Variants in ZNF19 observed in about 807,000 individuals in gnomAD.
ZNF19 encodes the protein zinc finger protein 19, also known as zinc finger protein 19 (KOX 12).
In ZNF19, 11 loss-of-function variants were observed where a neutral mutation model predicts 13.1. That is an observed-to-expected ratio of 0.84 (90% CI 0.53 to 1.39). The LOEUF (loss-of-function observed/expected upper bound fraction) is 1.39, where lower values mean the gene tolerates loss of function less well. Ranked by LOEUF, ZNF19 falls within the 40% of genes most tolerant of loss-of-function variation. The pLI, the probability that ZNF19 is intolerant of heterozygous loss-of-function variation, is 0.00. For missense variants in ZNF19, 560 were observed against 547.0 expected, an observed-to-expected ratio of 1.02 and a Z score of -0.24; for synonymous variants, 186 against 187.0, an observed-to-expected ratio of 0.99 and a Z score of 0.04.
At chr16:71,478,797 C>T in intron 4 of ZNF19, 82 bp downstream of exon 4, 1 of 1,554,082 alleles carries the variant, frequency 6.4e-7, no homozygotes, top group African/African-American at 1.4e-5. Context: ...CTCTCCACTC[C>T]ACACTCCTCC....
chr16:71,489,300 A>G lies in ZNF19; in HGVS notation c.-218T>C. 1 of 985,518 alleles carries G rather than the reference A, an allele frequency of 1.0e-6. No homozygotes were observed. The highest frequency in any genetic ancestry group is 1.2e-6 in the Non-Finnish European group (1 of 829,988). 61.0% of individuals were successfully genotyped at this position (985,518 alleles called of 1,614,324 possible). A position where few individuals can be genotyped will look rare whatever the true frequency, so the allele number is the denominator to read the frequency against. ...TGAGCGCGGACTCAAAACAGGCCAGAAGCGCACCGCTAGCGAGAACGGTTA... is the reference window on the plus strand; with the variant it reads ...TGAGCGCGGACTCAAAACAGGCCAGGAGCGCACCGCTAGCGAGAACGGTTA... On this transcript the variant is annotated 5_prime_UTR_variant, in exon 1 of 6. Coordinates refer to ENST00000288177, the MANE Select transcript of ZNF19 (RefSeq NM_006961.4).
Position 71,478,232 on chromosome 16 carries a change from A to G in ZNF19, c.270T>C (p.Cys90=). The change falls in exon 5 of 6, where the codon TGT becomes TGC. Residue 90 remains cysteine (C), a synonymous_variant. Transcript: ENST00000288177. ...TTCTAAATCTGCCTCACCTACCTTT[A>G]CAGACGTTTTTGGTCCTCTCTGCTG... ...DPPAERTKNV[C]KDVETNIDSE... 4.3e-6 allele frequency: 7 copies of G among 1,612,474 alleles called. No individual in the cohort carries two copies. The highest frequency in any genetic ancestry group is 5.9e-6 in the Non-Finnish European group (7 of 1,178,712).
chr16:71,475,173 C>T lies in ZNF19; in HGVS notation c.1374G>A (p.Trp458Ter). The T allele has an allele frequency of 6.3e-7, 1 of 1,583,938 alleles. No individual in the cohort carries two copies. Among genetic ancestry groups the T allele is most frequent in the Non-Finnish European group, 8.6e-7 (1 of 1,163,674 alleles). ...GLPEFFTPFY[W>*] Reference sequence around the variant, plus strand: ...TACATTTCACTGGAGTGTACTATTACCAGTAAAAGGGGGTAAAAAATTCTG... The same window carrying T: ...TACATTTCACTGGAGTGTACTATTATCAGTAAAAGGGGGTAAAAAATTCTG... Residue 458 changes from tryptophan (W) to a stop codon, truncating the protein, a stop_gained, in exon 6 of 6, where the codon TGG becomes TGA. Coordinates refer to ENST00000288177, the MANE Select transcript of ZNF19 (RefSeq NM_006961.4). LOFTEE classifies it high-confidence loss of function.
chr16:71,485,382 G>C (rs533020786), intron 1 of ZNF19, among the ~76,000 whole-genome samples: 1 of 151,362 alleles, frequency 6.6e-6, no homozygotes, highest in Non-Finnish European at 1.5e-5. Context: ...CCCGAGAGGT[G>C]GAGGTTGCAG....
In ZNF19 at chr16:71,475,901, G is replaced by C. The variant is rs199702128; in HGVS notation, c.646C>G (p.Pro216Ala). The part of the protein sequence containing the change: ...RHQRIHTGER[P>A]YQCEECGRAF... ...CGCCCACACTCCTCACACTGATAGGGTCTCTCTCCAGTGTGAATCCTCTGG... is the reference window on the plus strand; with the variant it reads ...CGCCCACACTCCTCACACTGATAGGCTCTCTCTCCAGTGTGAATCCTCTGG... The change falls in exon 6 of 6, where the codon CCC becomes GCC. Residue 216 changes from proline (P) to alanine (A), a missense_variant. Pro to Ala is a conservative substitution (Grantham distance 27, BLOSUM62 -1). Transcript: ENST00000288177. The C allele has an allele frequency of 6.2e-7, 1 of 1,613,550 alleles. No homozygotes were observed. The highest frequency in any genetic ancestry group is 1.7e-4 in the Middle Eastern group (1 of 6,058).
At chr16:71,482,379 C>A (rs1022331746) in intron 2 of ZNF19, 6 of 419,632 alleles carry the variant, frequency 1.4e-5, no homozygotes, top group Non-Finnish European at 2.2e-5. Flanking sequence ...TCCTCACCAA[C>A]ACCAAGCTAA....
chr16:71,483,369 G>A (rs1435289008), intron 2 of ZNF19, among the ~76,000 whole-genome samples: 2 of 152,202 alleles, frequency 1.3e-5, no homozygotes, highest in Admixed American at 6.5e-5. Context: ...CTTAATGCAT[G>A]ATGCTGTTTT....
intron 4 of ZNF19, 118 bp downstream of exon 4, chr16:71,478,761 G>T (rs966498743): frequency 5.0e-6 from 7 of 1,398,530 alleles, no homozygotes; most frequent in Non-Finnish European, 6.8e-6. Flanking sequence ...CAGTCACTCA[G>T]TGGAGGACAC....
At chr16:71,485,758 C>T (rs1450111279) in intron 1 of ZNF19, among the ~76,000 whole-genome samples, 2 of 152,062 alleles carry the variant, frequency 1.3e-5, no homozygotes, top group African/African-American at 4.8e-5. Context: ...ACATTTAATT[C>T]ACACACCATA....
intron 3 of ZNF19, among the ~76,000 whole-genome samples, chr16:71,480,707 C>A (rs1236149892): frequency 6.6e-6 from 1 of 152,186 alleles, no homozygotes; most frequent in Non-Finnish European, 1.5e-5. Flanking sequence ...CCTGAATGAA[C>A]CTCTTGAATG....
chr16:71,479,149 C>T (rs537194639), intron 3 of ZNF19, 144 bp from the exon 4 acceptor site: 2 of 1,018,992 alleles, frequency 2.0e-6, no homozygotes, highest in Non-Finnish European at 2.9e-6. Context: ...GATATTAGAC[C>T]ATTATATGAC....
intron 5 of ZNF19, 150 bp downstream of exon 5, chr16:71,478,078 G>T (rs768271963): frequency 3.3e-6 from 2 of 612,552 alleles, no homozygotes; most frequent in Admixed American, 3.0e-5. Flanking sequence ...TTACATGTTG[G>T]TAAGAGTTAA....
chr16:71,482,487 A>G (rs2043643936), intron 2 of ZNF19, among the ~76,000 whole-genome samples: 1 of 152,202 alleles, frequency 6.6e-6, no homozygotes, highest in African/African-American at 2.4e-5. Context: ...TTTGACTGAG[A>G]ATATAAAAGG....
chr16:71,484,158 AAT>A (rs1375664824), intron 2 of ZNF19, among the ~76,000 whole-genome samples: 1 of 152,192 alleles, frequency 6.6e-6, no homozygotes, highest in Non-Finnish European at 1.5e-5. Context: ...GGTGGAGTGA[AAT>A]AACCAGATTT....
chr16:71,479,366 T>G (rs186538967), intron 3 of ZNF19, among the ~76,000 whole-genome samples: 252 of 152,324 alleles, frequency 1.7e-3, no homozygotes, highest in Middle Eastern at 3.4e-3. Context: ...GGTGGACAAT[T>G]TGCTTCAAAT....
At chr16:71,482,208 A>T in intron 2 of ZNF19, 65 bp from the exon 3 acceptor site, 1 of 1,502,082 alleles carries the variant, frequency 6.7e-7, no homozygotes, top group Non-Finnish European at 9.2e-7. Context: ...CTTTAGAGCA[A>T]TAAATTTGCC....
intron 4 of ZNF19, chr16:71,478,609 A>T: frequency 1.5e-6 from 1 of 663,158 alleles, no homozygotes; most frequent in South Asian, 1.6e-5. Flanking sequence ...ACTACTACTT[A>T]TTCCTTACTG....
chr16:71,484,680 G>A lies in ZNF19; in HGVS notation c.-121C>T, dbSNP rs1360408214. The stretch of plus-strand genomic sequence containing the variant: ...CACACGCGTACTCTCTAGGATGCCG[G>A]AGCGGTCTTCTCAGTGGTTGTGTGG... On this transcript the variant is annotated 5_prime_UTR_variant, in exon 2 of 6. Coordinates refer to ENST00000288177, the MANE Select transcript of ZNF19 (RefSeq NM_006961.4). 4 of 985,452 alleles carry A rather than the reference G, an allele frequency of 4.1e-6. No homozygotes were observed. The highest frequency in any genetic ancestry group is 6.1e-5 in the Admixed American group (1 of 16,296). The allele number at this position is 985,452 out of a possible 1,614,324, so 61.0% of individuals were successfully genotyped here.
At chr16:71,478,446 C>T (rs1187435751) in intron 4 of ZNF19, 105 bp from the exon 5 acceptor site, 1 of 831,516 alleles carries the variant, frequency 1.2e-6, no homozygotes, top group Non-Finnish European at 2.0e-6. Flanking sequence ...GAAGAGGGTT[C>T]TCGACTGGAG....
Sources: gnomAD v4.1 joint callset for allele counts (sites outside exome capture counted in the v4.1 genomes callset) on GRCh38, gnomAD v4.1.1 for gene constraint, MANE v1.5 for transcripts, NCBI Gene and HGNC (gene_info 2026-07-23, HGNC 2026-07-21) for gene names.